STEAP1B: variants seen among roughly 807,000 people sequenced by gnomAD.
The protein encoded by STEAP1B is STEAP family member 1B.
A neutral mutation model predicts 27.9 loss-of-function variants in STEAP1B; 13 were observed. That is an observed-to-expected ratio of 0.47 (90% CI 0.30 to 0.74). The LOEUF (loss-of-function observed/expected upper bound fraction) is 0.74. Ranked by LOEUF, STEAP1B falls within the 30% of genes least tolerant of loss-of-function variation. The probability of loss-of-function intolerance (pLI) is 0.06; values close to 1 mark genes in which losing one functional copy is unlikely to be tolerated. For synonymous variants in STEAP1B, 86 were observed against 107.1 expected, an observed-to-expected ratio of 0.80 and a Z score of 1.22; for missense variants, 250 against 298.7, an observed-to-expected ratio of 0.84 and a Z score of 1.20.
intron 4 of STEAP1B, among the ~76,000 whole-genome samples, chr7:22,446,103 C>A (rs1049103362): frequency 6.6e-6 from 1 of 152,196 alleles, no homozygotes; most frequent in Non-Finnish European, 1.5e-5. Context: ...AGTTGTCGTT[C>A]AAAATGTGAC....
At chr7:22,432,276 C>T (rs963403297) in intron 4 of STEAP1B, among the ~76,000 whole-genome samples, 3 of 151,936 alleles carry the variant, frequency 2.0e-5, no homozygotes, top group East Asian at 3.9e-4. Flanking sequence ...TGATGGCTCA[C>T]GCTTCTAATC....
At chr7:22,448,867 A>G (rs1785445056) in intron 4 of STEAP1B, among the ~76,000 whole-genome samples, 1 of 152,242 alleles carries the variant, frequency 6.6e-6, no homozygotes, top group Admixed American at 6.5e-5. Flanking sequence ...CCAAAAGCAC[A>G]GAAGGTCCTT....
chr7:22,496,983 C>CTGT (rs1175050444), intron 1 of STEAP1B, among the ~76,000 whole-genome samples: 1 of 152,164 alleles, frequency 6.6e-6, no homozygotes, highest in Non-Finnish European at 1.5e-5. Flanking sequence ...ATGAAGATAT[C>CTGT]TGTTGTTTTA....
chr7:22,481,171 G>T (rs939305673), intron 4 of STEAP1B, among the ~76,000 whole-genome samples: 2 of 152,184 alleles, frequency 1.3e-5, no homozygotes, highest in African/African-American at 4.8e-5. Flanking sequence ...TGATGTGACC[G>T]CCGCTATGGG....
At chr7:22,472,255 C>T (rs576325507) in intron 4 of STEAP1B, among the ~76,000 whole-genome samples, 12 of 152,252 alleles carry the variant, frequency 7.9e-5, no homozygotes, top group African/African-American at 2.9e-4. Context: ...AAGTTGAAAC[C>T]CCATATCTGG....
intron 4 of STEAP1B, among the ~76,000 whole-genome samples, chr7:22,456,745 G>C (rs1785584570): frequency 6.6e-6 from 1 of 151,616 alleles, no homozygotes; most frequent in Non-Finnish European, 1.5e-5. Flanking sequence ...TAGAGAGGAA[G>C]AAAAGAGAGT....
chr7:22,451,384 A>G lies in STEAP1B; in HGVS notation c.763-31548T>C, dbSNP rs111528738. ...GGATAGTTTGACTTTTGTCTTTCCA[A>G]TTTGGATGCCCTTTCTTTATCCGAT... On this transcript the variant is annotated intron_variant, in intron 4 of 4. Transcript: ENST00000678116. Among the ~76,000 whole-genome samples, 1,026 of 152,184 alleles carry G rather than the reference A, an allele frequency of 6.7e-3. 8 individuals are homozygous for G. The highest frequency in any genetic ancestry group is 0.023 in the South Asian group (110 of 4,808).
At chr7:22,423,098 G>C (rs1299238571) in intron 4 of STEAP1B, among the ~76,000 whole-genome samples, 28 of 152,194 alleles carry the variant, frequency 1.8e-4, no homozygotes, top group Non-Finnish European at 4.4e-5. Context: ...AAGTGAAGGA[G>C]CTCAGTGTGA....
At chr7:22,498,519 A>G (rs898608432) in intron 1 of STEAP1B, among the ~76,000 whole-genome samples, 2 of 152,222 alleles carry the variant, frequency 1.3e-5, no homozygotes, top group Admixed American at 6.5e-5. Flanking sequence ...TAACAAATCC[A>G]CCCACATTTA....
chr7:22,473,658 C>T (rs74454260), intron 4 of STEAP1B, among the ~76,000 whole-genome samples: 2,201 of 152,308 alleles, frequency 0.014, 101 homozygotes, highest in Admixed American at 0.094. Context: ...AGACGACGAA[C>T]TGGTAGTTCT....
At chr7:22,437,119 C>T (rs1386810155) in intron 4 of STEAP1B, among the ~76,000 whole-genome samples, 3 of 152,126 alleles carry the variant, frequency 2.0e-5, no homozygotes, top group Non-Finnish European at 2.9e-5. Flanking sequence ...AGGTCTAATA[C>T]CCAGTATCTA....
At chr7:22,491,949 A>T (rs1010755858) in intron 4 of STEAP1B, among the ~76,000 whole-genome samples, 1 of 152,120 alleles carries the variant, frequency 6.6e-6, no homozygotes. Context: ...AGAATAGAGG[A>T]TATATGTAGT....
intron 4 of STEAP1B, among the ~76,000 whole-genome samples, chr7:22,446,671 T>A (rs1019362409): frequency 6.6e-6 from 1 of 152,226 alleles, no homozygotes; most frequent in African/African-American, 2.4e-5. Flanking sequence ...ACCCTTATTT[T>A]TCTGAGCACT....
intron 4 of STEAP1B, among the ~76,000 whole-genome samples, chr7:22,447,253 A>G (rs1785422524): frequency 6.6e-6 from 1 of 152,132 alleles, no homozygotes; most frequent in African/African-American, 2.4e-5. Flanking sequence ...TCACTTCCTT[A>G]ATTGGTCACC....
chr7:22,455,558 C>T (rs1303499049), intron 4 of STEAP1B, among the ~76,000 whole-genome samples: 5 of 152,240 alleles, frequency 3.3e-5, no homozygotes, highest in East Asian at 1.9e-4. Context: ...GTCCACTCCC[C>T]GTTTTTTATT....
At chr7:22,483,807 G>A (rs1387262384) in intron 4 of STEAP1B, among the ~76,000 whole-genome samples, 2 of 152,174 alleles carry the variant, frequency 1.3e-5, no homozygotes, top group Middle Eastern at 6.3e-3. Flanking sequence ...CGAAATGGCT[G>A]GTCGGTGGAG....
chr7:22,474,367 C>T (rs1023272710), intron 4 of STEAP1B, among the ~76,000 whole-genome samples: 1 of 152,146 alleles, frequency 6.6e-6, no homozygotes, highest in African/African-American at 2.4e-5. Flanking sequence ...TCTGATATTA[C>T]ATATCTGAGA....
intron 4 of STEAP1B, among the ~76,000 whole-genome samples, chr7:22,484,158 T>C (rs1280482893): frequency 1.3e-5 from 2 of 152,336 alleles, no homozygotes; most frequent in African/African-American, 4.8e-5. Context: ...GCTAGGATCA[T>C]TGAAGCAGGT....
At chr7:22,430,631 G>A (rs370812172) in intron 4 of STEAP1B, among the ~76,000 whole-genome samples, 6 of 152,150 alleles carry the variant, frequency 3.9e-5, no homozygotes, top group Middle Eastern at 3.2e-3. Flanking sequence ...GCTTGTTTTC[G>A]TTAGAGTCAT....
Sources: gnomAD v4.1 joint callset for allele counts (sites outside exome capture counted in the v4.1 genomes callset) on GRCh38, gnomAD v4.1.1 for gene constraint, MANE v1.5 for transcripts, NCBI Gene and HGNC (gene_info 2026-07-23, HGNC 2026-07-21) for gene names.